MFHAS1: variants seen among roughly 807,000 people sequenced by gnomAD.
MFHAS1 encodes malignant fibrous histiocytoma-amplified sequence 1.
MFHAS1 carries 50 observed loss-of-function variants against 70.4 expected under a neutral mutation model. The observed-to-expected ratio is 0.71, with a 90% CI of 0.57 to 0.90. The LOEUF (loss-of-function observed/expected upper bound fraction) is 0.90, where lower values mean the gene tolerates loss of function less well. Ranked by LOEUF, MFHAS1 falls within the 40% of genes least tolerant of loss-of-function variation. The pLI is 0.00. For missense variants in MFHAS1, 1,795 were observed against 1,347.6 expected (o/e 1.33, Z -5.20); for synonymous variants, 952 against 620.0 (o/e 1.54, Z -7.96).
At chr8:8,847,121 G>A (rs113769637) in intron 1 of MFHAS1, among the ~76,000 whole-genome samples, 96 of 152,268 alleles carry the variant, frequency 6.3e-4, no homozygotes, top group African/African-American at 2.2e-3. Flanking sequence ...GATATTTTTC[G>A]TAATTGGCAG....
At position 8,886,703 on chromosome 8, in the gene MFHAS1, G is replaced by C. The variant is rs566603544; in HGVS notation, c.2998+3358C>G. ...TTTTACTGTAACATCCCAAAGTTAAGAAAATTCAAAGTCCAACTTTTTCAG... is the reference window on the plus strand; with the variant it reads ...TTTTACTGTAACATCCCAAAGTTAACAAAATTCAAAGTCCAACTTTTTCAG... On this transcript the variant is annotated intron_variant, in intron 1 of 2. Transcript: ENST00000276282. Among the ~76,000 whole-genome samples, 5 of 152,240 alleles carry C rather than the reference G, an allele frequency of 3.3e-5. No individual in the cohort carries two copies. In the East Asian group the frequency reaches 9.6e-4, roughly 29 times the overall value.
At chr8:8,808,045 G>A (rs188700456) in intron 1 of MFHAS1, among the ~76,000 whole-genome samples, 82 of 152,330 alleles carry the variant, frequency 5.4e-4, no homozygotes, top group African/African-American at 1.8e-3. Flanking sequence ...CTAGTAGCAT[G>A]ATGAAATCTC....
At chr8:8,873,506 A>T (rs984960237) in intron 1 of MFHAS1, among the ~76,000 whole-genome samples, 6 of 149,126 alleles carry the variant, frequency 4.0e-5, no homozygotes, top group Non-Finnish European at 8.9e-5. Flanking sequence ...GGTCAAACAC[A>T]TTTTAGAGTG....
chr8:8,891,127 T>A lies in MFHAS1; in HGVS notation c.1932A>T (p.Ser644=). 1 of 1,613,864 alleles carries A rather than the reference T, an allele frequency of 6.2e-7. No homozygotes were observed. The highest frequency in any genetic ancestry group is 8.5e-7 in the Non-Finnish European group (1 of 1,180,024). ...HLRRLRDKLL[S]VAEHREIFPN... is the part of the protein sequence containing the mutation. ...GGAAGATCTCTCGGTGCTCAGCAAC[T>A]GACAGCAACTTGTCCCGAAGGCGTC... The change falls in exon 1 of 3, where the codon TCA becomes TCT. Residue 644 remains serine, a synonymous_variant. Coordinates refer to ENST00000276282, the MANE Select transcript of MFHAS1 (RefSeq NM_004225.3). The surrounding 1 kb of genome is among the most constrained non-coding windows in gnomAD (Gnocchi z 5.4).
intron 1 of MFHAS1, among the ~76,000 whole-genome samples, chr8:8,884,130 T>C (rs935944585): frequency 6.6e-6 from 1 of 151,246 alleles, no homozygotes; most frequent in South Asian, 2.1e-4. Context: ...AATTCTAAAC[T>C]ACTTGTGCAG....
intron 1 of MFHAS1, among the ~76,000 whole-genome samples, chr8:8,843,519 C>T (rs1563200299): frequency 6.6e-6 from 1 of 152,112 alleles, no homozygotes; most frequent in South Asian, 2.1e-4. Flanking sequence ...AGGTTAAGGC[C>T]GTAGCGAGTG....
chr8:8,819,393 C>T (rs1286042005), intron 1 of MFHAS1, among the ~76,000 whole-genome samples: 1 of 152,048 alleles, frequency 6.6e-6, no homozygotes, highest in African/African-American at 2.4e-5. Context: ...ATCACGAGGT[C>T]AGGAGATCGA....
At chr8:8,824,197 A>G (rs960225900) in intron 1 of MFHAS1, among the ~76,000 whole-genome samples, 1 of 151,810 alleles carries the variant, frequency 6.6e-6, no homozygotes, top group African/African-American at 2.4e-5. Context: ...TCCATAAATA[A>G]GGCCACCTTC....
At chr8:8,863,345 T>C (rs1057354703) in intron 1 of MFHAS1, among the ~76,000 whole-genome samples, 3 of 152,208 alleles carry the variant, frequency 2.0e-5, no homozygotes, top group South Asian at 2.1e-4. Flanking sequence ...GACCTCAAAC[T>C]GATGCTGTTA....
intron 1 of MFHAS1, among the ~76,000 whole-genome samples, chr8:8,819,978 A>G (rs1320477880): frequency 2.0e-5 from 3 of 152,220 alleles, no homozygotes; most frequent in African/African-American, 7.2e-5. Flanking sequence ...GACTGCAGGC[A>G]TGAGCCACCA....
rs765029541 is a variant in MFHAS1 at position 8,892,328 on chromosome 8, G to A, written c.731C>T (p.Ala244Val). 1.2e-6 allele frequency: 2 copies of A among 1,612,116 alleles called. No individual in the cohort carries two copies. The highest frequency in any genetic ancestry group is 1.3e-5 in the African/African-American group (1 of 75,022). ...LSGAELGTLP[A>V]GFCELASLES... The stretch of plus-strand genomic sequence containing the variant: ...CAAACTGGCCAGCTCGCAGAAGCCG[G>A]CGGGCAGCGTGCCAAGCTCGGCCCC... The change falls in exon 1 of 3, where the codon GCC (alanine) becomes GTC (valine). Residue 244 changes from alanine to valine, a missense_variant. Coordinates refer to ENST00000276282, the MANE Select transcript of MFHAS1 (RefSeq NM_004225.3). The surrounding 1 kb of genome is among the most constrained non-coding windows in gnomAD (Gnocchi z 4.7).
chr8:8,823,099 G>A (rs2117307147), intron 1 of MFHAS1, among the ~76,000 whole-genome samples: 1 of 152,208 alleles, frequency 6.6e-6, no homozygotes, highest in East Asian at 1.9e-4. Context: ...TTGGAATCTG[G>A]GGATAGCTCT....
At chr8:8,853,867 C>T (rs1157972281) in intron 1 of MFHAS1, among the ~76,000 whole-genome samples, 1 of 152,160 alleles carries the variant, frequency 6.6e-6, no homozygotes, top group Admixed American at 6.5e-5. Context: ...CTACCTATTT[C>T]TATTGTCAAG....
chr8:8,890,034 G>T (rs1379386305), intron 1 of MFHAS1, 27 bp downstream of exon 1: 3 of 1,534,838 alleles, frequency 2.0e-6, no homozygotes, highest in Non-Finnish European at 2.7e-6. Context: ...GCATACCACA[G>T]AAGAACTTCT....
chr8:8,845,992 C>T (rs1023407402), intron 1 of MFHAS1, among the ~76,000 whole-genome samples: 5 of 152,030 alleles, frequency 3.3e-5, no homozygotes, highest in Admixed American at 1.3e-4. Context: ...GTGGCTAACA[C>T]CTGTATTCCC....
rs571238216 is a variant in MFHAS1 at position 8,890,415 on chromosome 8, T to C, written c.2644A>G (p.Ile882Val). The C allele has an allele frequency of 5.0e-6, 8 of 1,614,048 alleles. No individual in the cohort carries two copies. Among genetic ancestry groups the C allele is most frequent in the South Asian group, 4.4e-5 (4 of 91,086 alleles). Residue 882 changes from isoleucine (I) to valine (V), a missense_variant, in exon 1 of 3, where the codon ATT (isoleucine) becomes GTT (valine). Coordinates refer to ENST00000276282, the MANE Select transcript of MFHAS1 (RefSeq NM_004225.3). ...AAAGTAAAAGGAAAGCTATATTCAA[T>C]CTGCAACTGCTCAGCCACAAAAGAC... ...GQSFVAEQLQIEYSFPFTFPL... is the reference protein window; with the variant it reads ...GQSFVAEQLQVEYSFPFTFPL...
At chr8:8,810,855 T>C (rs1806518725) in intron 1 of MFHAS1, among the ~76,000 whole-genome samples, 1 of 152,080 alleles carries the variant, frequency 6.6e-6, no homozygotes, top group Non-Finnish European at 1.5e-5. Context: ...TTTCTGCAGA[T>C]TCATTTTTCT....
At chr8:8,848,838 C>G (rs958530050) in intron 1 of MFHAS1, among the ~76,000 whole-genome samples, 4 of 152,100 alleles carry the variant, frequency 2.6e-5, no homozygotes, top group African/African-American at 9.7e-5. Context: ...TCAAACAGTG[C>G]GAAGTCGGTT....
At chr8:8,794,106 C>T (rs984381770) in intron 2 of MFHAS1, among the ~76,000 whole-genome samples, 1 of 152,114 alleles carries the variant, frequency 6.6e-6, no homozygotes, top group Admixed American at 6.5e-5. Context: ...AGAAGAATCA[C>T]TTGAACCCTG....
Sources: gnomAD v4.1 joint callset for allele counts (sites outside exome capture counted in the v4.1 genomes callset) on GRCh38, gnomAD v4.1.1 for gene constraint, Gnocchi (gnomAD v3.1) non-coding constraint, MANE v1.5 for transcripts, NCBI Gene and HGNC (gene_info 2026-07-23, HGNC 2026-07-21) for gene names.